The following HERC2 variants were observed in gnomAD, a reference collection of about 807,000 sequenced individuals.
HERC2 encodes HECT and RLD domain containing E3 ubiquitin protein ligase 2.
HERC2 carries 102 observed loss-of-function variants against 537.7 expected under a neutral mutation model. The ratio of observed to expected loss-of-function variants is 0.19; its 90% CI spans 0.16 to 0.22. The LOEUF (loss-of-function observed/expected upper bound fraction) is 0.22. Ranked by LOEUF, HERC2 falls within the 10% of genes least tolerant of loss-of-function variation. HERC2 has a pLI of 1.00. For synonymous variants in HERC2, 2,224 were observed against 2,466.2 expected, an observed-to-expected ratio of 0.90 and a Z score of 2.91; for missense variants, 4,236 against 6,198.2, an observed-to-expected ratio of 0.68 and a Z score of 10.63.
At chr15:28,314,354 G>C (rs1399974843) in intron 2 of HERC2, among the ~76,000 whole-genome samples, 1 of 152,188 alleles carries the variant, frequency 6.6e-6, no homozygotes, top group Non-Finnish European at 1.5e-5. Flanking sequence ...TGTCAGCTCG[G>C]AACAATGGGG....
chr15:28,276,602 G>GT (rs1188798510), intron 5 of HERC2, among the ~76,000 whole-genome samples: 1 of 151,996 alleles, frequency 6.6e-6, no homozygotes, highest in Non-Finnish European at 1.5e-5. Flanking sequence ...GGGTGTGGTG[G>GT]TGCATGCCTA....
chr15:28,214,628 G>A (rs374062477), intron 40 of HERC2, 27 bp downstream of exon 40: 2 of 1,609,974 alleles, frequency 1.2e-6, no homozygotes, highest in Admixed American at 1.7e-5. Flanking sequence ...CTTCACCAGG[G>A]CACAGGGAAG....
rs2140973820 is a variant in HERC2, at chr15:28,268,738, C to A, written c.1447-122G>T. The A allele has an allele frequency of 2.5e-6, 2 of 808,658 alleles. No individual in the cohort carries two copies. Among genetic ancestry groups the A allele is most frequent in the East Asian group, 5.4e-5 (2 of 37,362 alleles). 50.1% of individuals were successfully genotyped at this position (808,658 alleles called of 1,614,324 possible). On this transcript the variant is annotated intron_variant, in intron 11 of 92. Coordinates refer to ENST00000261609, the MANE Select transcript of HERC2 (RefSeq NM_004667.6). This position sits in a 1 kb window ranked among gnomAD's most constrained non-coding sequence, Gnocchi z 4.7. ...CTGTAACTCCAAGTGGGGCATAAGT[C>A]TCTGGGAACTACGGGGCCGGCTCTC...
At chr15:28,165,304 G>A (rs550925499) in intron 68 of HERC2, among the ~76,000 whole-genome samples, 4 of 152,342 alleles carry the variant, frequency 2.6e-5, no homozygotes, top group African/African-American at 9.6e-5. Flanking sequence ...AGCCAAGATC[G>A]GAGGTTGGTT....
chr15:28,131,489 G>A (rs1369325096), intron 81 of HERC2, among the ~76,000 whole-genome samples: 1 of 152,212 alleles, frequency 6.6e-6, no homozygotes, highest in Non-Finnish European at 1.5e-5. Flanking sequence ...AGGTCACTGA[G>A]AAGCATGTGC....
intron 24 of HERC2, 79 bp from the exon 25 acceptor site, chr15:28,238,296 A>G: frequency 2.8e-6 from 3 of 1,078,920 alleles, no homozygotes; most frequent in Non-Finnish European, 4.3e-6. Context: ...TGAATAGGAA[A>G]TAAGTTAGGC....
intron 92 of HERC2, among the ~76,000 whole-genome samples, chr15:28,112,557 C>T (rs1887765224): frequency 6.6e-6 from 1 of 152,196 alleles, no homozygotes; most frequent in African/African-American, 2.4e-5. Context: ...GAACAGTGGA[C>T]CCCATCGATC....
intron 64 of HERC2, among the ~76,000 whole-genome samples, chr15:28,174,846 G>GT (rs1895098030): frequency 6.6e-6 from 1 of 152,062 alleles, no homozygotes; most frequent in South Asian, 2.1e-4. Flanking sequence ...TATAAAAGGA[G>GT]TATTTTCTTA....
At position 28,246,083 on chromosome 15, in the gene HERC2, A is replaced by G. The variant is rs1903684024; in HGVS notation, c.3392-17T>C. ...GGAGAACACCTACATTTAAGAAATA[A>G]TAAGATTTAAATAAGTATTTATCCT... is the stretch of plus-strand genomic sequence containing the variant. On this transcript the variant is annotated splice_polypyrimidine_tract_variant and intron_variant, in intron 22 of 92. Coordinates refer to ENST00000261609, the MANE Select transcript of HERC2 (RefSeq NM_004667.6). 1.3e-6 allele frequency: 2 copies of G among 1,506,106 alleles called. No individual in the cohort carries two copies. Among genetic ancestry groups the G allele is most frequent in the Non-Finnish European group, 1.8e-6 (2 of 1,098,340 alleles). The allele number at this position is 1,506,106 out of a possible 1,614,324, so 93.3% of individuals were successfully genotyped here.
At chr15:28,142,152 G>A in intron 76 of HERC2, 86 bp downstream of exon 76, 1 of 1,463,812 alleles carries the variant, frequency 6.8e-7, no homozygotes, top group East Asian at 2.3e-5. Flanking sequence ...AAATTTTTCT[G>A]TGTCTCGTAA....
At chr15:28,240,871 T>C (rs1036167073) in intron 23 of HERC2, among the ~76,000 whole-genome samples, 6 of 152,128 alleles carry the variant, frequency 3.9e-5, no homozygotes, top group Non-Finnish European at 5.9e-5. Flanking sequence ...GACCCTTACC[T>C]TACGCCACAC....
At chr15:28,155,618 T>C (rs1183975541) in intron 69 of HERC2, among the ~76,000 whole-genome samples, 1 of 149,710 alleles carries the variant, frequency 6.7e-6, no homozygotes, top group Non-Finnish European at 1.5e-5. Context: ...GGGTTGTTTT[T>C]TTCTTGTAAA....
chr15:28,115,220 C>G (rs1324437365), intron 89 of HERC2: 1 of 535,002 alleles, frequency 1.9e-6, no homozygotes, highest in African/African-American at 1.9e-5. Context: ...CCTTATCTGA[C>G]AAGACAGTGT....
In HERC2 at chr15:28,142,254, C is replaced by T. The variant is rs945751718; in HGVS notation, c.11684G>A (p.Arg3895His). ...VALDKRTPLP[R>H]LFLDEVAKKI... ...ATGCAATACCTCATCAAGAAACAGA[C>T]GGGGCAACGGTGTTCTTTTGTCAAG... Residue 3895 changes from arginine to histidine, a missense_variant, in exon 76 of 93, where the codon CGT (arginine) becomes CAT (histidine). Physicochemically the swap from Arg to His is conservative, Grantham distance 29 (BLOSUM62 0). This residue lies in a region of HERC2 where 156 missense variants were observed against 172.3 expected (regional missense o/e 0.91). Transcript: ENST00000261609. 6.2e-6 allele frequency: 10 copies of T among 1,613,828 alleles called. No homozygotes were observed. In the East Asian group the frequency reaches 1.3e-4, roughly 22 times the overall value.
rs758908442 is a variant in HERC2, at chr15:28,214,176, G to A, written c.6455C>T (p.Thr2152Met). 30 of 1,612,776 alleles carry A rather than the reference G, an allele frequency of 1.9e-5. No individual in the cohort carries two copies. Among genetic ancestry groups the A allele is most frequent in the Middle Eastern group, 1.9e-4 (1 of 5,160 alleles). ...LAEEVVALLRTLHSLTQWNGL... is the reference protein window; with the variant it reads ...LAEEVVALLRMLHSLTQWNGL... Reference sequence around the variant, plus strand: ...ATTCCACTGAGTCAGGGAGTGCAGCGTGCGCAGCAGTGCCACCACCTCCTC... The same window carrying A: ...ATTCCACTGAGTCAGGGAGTGCAGCATGCGCAGCAGTGCCACCACCTCCTC... Residue 2152 changes from threonine to methionine, a missense_variant, in exon 41 of 93, where the codon ACG (threonine) becomes ATG (methionine). By Grantham distance (81) the Thr-to-Met change is moderately conservative. Around this residue, in one of 27 missense-constraint regions of HERC2, gnomAD observed 365 missense variants for 468.8 expected, o/e 0.78. Coordinates refer to ENST00000261609, the MANE Select transcript of HERC2 (RefSeq NM_004667.6).
At chr15:28,236,439 C>T (rs1369932513) in intron 26 of HERC2, among the ~76,000 whole-genome samples, 2 of 151,266 alleles carry the variant, frequency 1.3e-5, no homozygotes, top group East Asian at 3.9e-4. Flanking sequence ...TACAGGCACC[C>T]GTCACCACGC....
intron 3 of HERC2, among the ~76,000 whole-genome samples, chr15:28,298,288 G>A (rs2076526141): frequency 6.8e-6 from 1 of 146,636 alleles, no homozygotes; most frequent in African/African-American, 2.5e-5. Flanking sequence ...CAAGTAGCTG[G>A]GATTACAGGC....
intron 69 of HERC2, among the ~76,000 whole-genome samples, chr15:28,153,952 G>A (rs557928349): frequency 5.3e-5 from 8 of 152,180 alleles, no homozygotes; most frequent in South Asian, 2.1e-4. Context: ...AGGAGGGACC[G>A]CCGACCCCAA....
intron 52 of HERC2, among the ~76,000 whole-genome samples, chr15:28,193,645 C>T (rs940235664): frequency 6.6e-6 from 1 of 152,100 alleles, no homozygotes; most frequent in Non-Finnish European, 1.5e-5. Flanking sequence ...TAAACATCTC[C>T]ATGCACATGT....
Sources: allele counts gnomAD v4.1 joint callset (sites outside exome capture counted in the v4.1 genomes callset), GRCh38; gene constraint gnomAD v4.1.1; regional missense constraint gnomAD v4.1.1; non-coding constraint Gnocchi (gnomAD v3.1); transcripts MANE v1.5; gene names NCBI Gene and HGNC (gene_info 2026-07-23, HGNC 2026-07-21).